BEST4: variants seen among roughly 807,000 people sequenced by gnomAD.
BEST4 encodes bestrophin 4.
In BEST4, 36 loss-of-function variants were observed where a neutral mutation model predicts 47.1. The ratio of observed to expected loss-of-function variants is 0.76; its 90% CI spans 0.59 to 1.01. The LOEUF (loss-of-function observed/expected upper bound fraction) is 1.01, where lower values mean the gene tolerates loss of function less well. BEST4 is among the 50% of genes least tolerant of loss of function. The pLI is 0.00. For synonymous variants in BEST4, 250 were observed against 277.8 expected, an observed-to-expected ratio of 0.90 and a Z score of 1.00; for missense variants, 550 against 648.6, an observed-to-expected ratio of 0.85 and a Z score of 1.65.
upstream of BEST4, among the ~76,000 whole-genome samples, chr1:44,790,381 T>C (rs916407795): frequency 6.6e-6 from 1 of 152,200 alleles, no homozygotes; most frequent in Non-Finnish European, 1.5e-5. Context: ...TTTTTTTTAA[T>C]TTTAATTTTT....
rs2148849152 is a variant in BEST4, at chr1:44,787,707, G to A, written c.-2C>T. The stretch of plus-strand genomic sequence containing the variant: ...TTTGAGAGTGTATGAAACCGTCATG[G>A]TGCTGGGAGCCTGGGGCAGGAGGTC... On this transcript the variant is annotated 5_prime_UTR_variant, in exon 1 of 9. Transcript: ENST00000372207. 1 of 1,613,956 alleles carries A rather than the reference G, an allele frequency of 6.2e-7. No individual in the cohort carries two copies.
chr1:44,783,899 A>C lies in BEST4; in HGVS notation c.*311T>G. 3.5e-6 allele frequency: 1 copy of C among 281,948 alleles called. No individual in the cohort carries two copies. The highest frequency in any genetic ancestry group is 6.6e-6 in the Non-Finnish European group (1 of 152,460). 17.5% of individuals were successfully genotyped at this position (281,948 alleles called of 1,614,324 possible). ...TGCTGATCCTTCCTTAAGTTTGAGA[A>C]CCAATGGCCTAGCTCCCTGTTGCTG... On this transcript the variant is annotated 3_prime_UTR_variant, in exon 9 of 9. Transcript: ENST00000372207.
In BEST4 at chr1:44,783,865, C is replaced by T. The variant is rs1466869215; in HGVS notation, c.*345G>A. The T allele has an allele frequency of 2.8e-5, 6 of 215,290 alleles. No individual in the cohort carries two copies. Among genetic ancestry groups the T allele is most frequent in the Non-Finnish European group, 1.8e-5 (2 of 110,080 alleles). The allele number at this position is 215,290 out of a possible 1,614,324, so 13.3% of individuals were successfully genotyped here. A position where few individuals can be genotyped will look rare whatever the true frequency, so the allele number is the denominator to read the frequency against. ...GTGCCCAGCACTCTTTTGACAAGAC[C>T]TTCCGTGATGCTGATCCTTCCTTAA... is the stretch of plus-strand genomic sequence containing the variant. On this transcript the variant is annotated 3_prime_UTR_variant, in exon 9 of 9. Coordinates refer to ENST00000372207, the MANE Select transcript of BEST4 (RefSeq NM_153274.3).
chr1:44,784,320 G>T lies in BEST4; in HGVS notation c.1312C>A (p.Arg438Ser), dbSNP rs1302652055. Reference protein sequence around the residue: ...RNFGRVRGTPRPPHLLRFRAE... With the variant: ...RNFGRVRGTPSPPHLLRFRAE... ...CGGAAGCGCAGCAGATGCGGGGGGCGGGGGGTGCCTCGCACGCGGCCGAAG... is the reference window on the plus strand; with the variant it reads ...CGGAAGCGCAGCAGATGCGGGGGGCTGGGGGTGCCTCGCACGCGGCCGAAG... The change falls in exon 9 of 9, where the codon CGC (arginine) becomes AGC (serine). Residue 438 changes from arginine to serine, a missense_variant. Arg to Ser is a moderately radical substitution (Grantham distance 110). Around this residue, in one of 3 missense-constraint regions of BEST4, gnomAD observed 255 missense variants for 286.6 expected, o/e 0.89. Transcript: ENST00000372207. The surrounding 1 kb of genome is among the most constrained non-coding windows in gnomAD (Gnocchi z 6.2). 1.4e-6 allele frequency: 2 copies of T among 1,392,640 alleles called. No homozygotes were observed. The highest frequency in any genetic ancestry group is 3.6e-5 in the Admixed American group (1 of 27,876). 86.3% of individuals were successfully genotyped at this position (1,392,640 alleles called of 1,614,324 possible).
At position 44,786,233 on chromosome 1, in the gene BEST4, G is replaced by C. The variant is rs368354581; in HGVS notation, c.482-5C>G. 6 of 1,610,996 alleles carry C rather than the reference G, an allele frequency of 3.7e-6. No homozygotes were observed. Among genetic ancestry groups the C allele is most frequent in the Middle Eastern group, 1.7e-4 (1 of 6,060 alleles). ...TCTCTTCCTGGGACATGAAACCTGA[G>C]GGGGTAAAGCAGGTGGGGTGCAGTT... On this transcript the variant is annotated splice_polypyrimidine_tract_variant and splice_region_variant and intron_variant, in intron 3 of 8. Transcript: ENST00000372207. This position sits in a 1 kb window ranked among gnomAD's most constrained non-coding sequence, Gnocchi z 4.9.
chr1:44,786,344 C>A lies in BEST4; in HGVS notation c.482-116G>T. The A allele has an allele frequency of 2.1e-6, 3 of 1,457,998 alleles. No homozygotes were observed. Among genetic ancestry groups the A allele is most frequent in the Non-Finnish European group, 2.8e-6 (3 of 1,088,472 alleles). 90.3% of individuals were successfully genotyped at this position (1,457,998 alleles called of 1,614,324 possible). ...ACCGGCTGTCCCAGGACTCGCGGTT[C>A]CGCGTTCCTGTCGCAGTCCAGACCC... is the stretch of plus-strand genomic sequence containing the variant. On this transcript the variant is annotated intron_variant, in intron 3 of 8. Transcript: ENST00000372207. The surrounding 1 kb of genome is among the most constrained non-coding windows in gnomAD (Gnocchi z 4.9).
At position 44,784,843 on chromosome 1, in the gene BEST4, G is replaced by A; in HGVS notation, c.994-60C>T. On this transcript the variant is annotated intron_variant, in intron 7 of 8. Transcript: ENST00000372207. The surrounding 1 kb of genome is among the most constrained non-coding windows in gnomAD (Gnocchi z 6.2). ...CCTCTCCTTCCCACGGCCGGGCTGA[G>A]AGCTGACCGGGAGAGGGGGCCCAGG... 1 of 1,610,036 alleles carries A rather than the reference G, an allele frequency of 6.2e-7. No individual in the cohort carries two copies. Among genetic ancestry groups the A allele is most frequent in the South Asian group, 1.1e-5 (1 of 90,618 alleles).
chr1:44,782,608 T>C (rs1651072875), downstream of BEST4, among the ~76,000 whole-genome samples: 1 of 151,542 alleles, frequency 6.6e-6, no homozygotes, highest in Non-Finnish European at 1.5e-5. Flanking sequence ...CCAGCCTGGG[T>C]GACAGTGCAA....
Position 44,784,533 on chromosome 1 carries a change from C to T in BEST4, c.1149-50G>A, listed in dbSNP as rs1427983792. 1 of 1,502,712 alleles carries T rather than the reference C, an allele frequency of 6.7e-7. No homozygotes were observed. Among genetic ancestry groups the T allele is most frequent in the African/African-American group, 1.4e-5 (1 of 71,888 alleles). The allele number at this position is 1,502,712 out of a possible 1,614,324, so 93.1% of individuals were successfully genotyped here. On this transcript the variant is annotated intron_variant, in intron 8 of 8. Transcript: ENST00000372207. The surrounding 1 kb of genome is among the most constrained non-coding windows in gnomAD (Gnocchi z 6.2). ...CCGGGGCACAGGGCGGGAGCGGGGA[C>T]GCGGGATCGGCTCTCGGGGAAGGAC...
upstream of BEST4, among the ~76,000 whole-genome samples, chr1:44,790,409 G>A (rs879290610): frequency 3.3e-5 from 5 of 152,216 alleles, no homozygotes; most frequent in Admixed American, 6.5e-5. Flanking sequence ...CATAGTAGGT[G>A]TATATGCCTA....
Position 44,785,164 on chromosome 1 carries a change from T to A in BEST4, c.856A>T (p.Met286Leu). The part of the protein sequence containing the change: ...EPAPALGDPD[M>L]YVPLTTLLQF... ...AGCAGAGTGGTGAGAGGCACGTACA[T>A]GTCCGGGTCTCCCAGGGCTGGGGCT... The change falls in exon 6 of 9, where the codon ATG (methionine) becomes TTG (leucine). Residue 286 changes from methionine (M) to leucine (L), a missense_variant. Physicochemically the swap from Met to Leu is conservative, Grantham distance 15 (BLOSUM62 2). Coordinates refer to ENST00000372207, the MANE Select transcript of BEST4 (RefSeq NM_153274.3). 1.2e-6 allele frequency: 2 copies of A among 1,614,066 alleles called. No individual in the cohort carries two copies. Among genetic ancestry groups the A allele is most frequent in the Non-Finnish European group, 1.7e-6 (2 of 1,180,016 alleles).
chr1:44,790,068 G>A (rs1254924989), upstream of BEST4, among the ~76,000 whole-genome samples: 1 of 152,208 alleles, frequency 6.6e-6, no homozygotes, highest in Non-Finnish European at 1.5e-5. Context: ...GCAATTTTGA[G>A]TATTCACAGA....
rs1387412383 is a variant in BEST4 at position 44,784,372 on chromosome 1, C to T, written c.1260G>A (p.Ala420=). The change falls in exon 9 of 9, where the codon GCG becomes GCA. Residue 420 remains alanine, a synonymous_variant. Coordinates refer to ENST00000372207, the MANE Select transcript of BEST4 (RefSeq NM_153274.3). This position sits in a 1 kb window ranked among gnomAD's most constrained non-coding sequence, Gnocchi z 6.2. ...TCCGGAGGCTGATGGCCGGGGAGGG[C>T]GCCCCTACGCCCAGGAAGCGGCCGA... ...PLLGRFLGVG[A]PSPAISLRNF... The T allele has an allele frequency of 1.8e-5, 25 of 1,391,466 alleles. No individual in the cohort carries two copies. In the South Asian group the frequency reaches 3.9e-4, roughly 21 times the overall value. 86.2% of individuals were successfully genotyped at this position (1,391,466 alleles called of 1,614,324 possible).
chr1:44,791,234 G>GAGAA, upstream of BEST4, among the ~76,000 whole-genome samples: 1 of 85,970 alleles, frequency 1.2e-5, no homozygotes, highest in African/African-American at 7.7e-5. Flanking sequence ...GAGAGAGTAT[G>GAGAA]TGTGTGTGTG....
chr1:44,786,043 G>A lies in BEST4; in HGVS notation c.636+31C>T, dbSNP rs368026331. On this transcript the variant is annotated intron_variant, in intron 4 of 8. Transcript: ENST00000372207. The surrounding 1 kb of genome is among the most constrained non-coding windows in gnomAD (Gnocchi z 4.9). Reference sequence around the variant, plus strand: ...TCATCTTTAAAATTAGAGGGAGGAGGGCAGATGGGTCTGGTCCTGAGCCCA... The same window carrying A: ...TCATCTTTAAAATTAGAGGGAGGAGAGCAGATGGGTCTGGTCCTGAGCCCA... 22 of 1,559,750 alleles carry A rather than the reference G, an allele frequency of 1.4e-5. No individual in the cohort carries two copies. The highest frequency in any genetic ancestry group is 2.1e-5 in the Admixed American group (1 of 48,148).
At chr1:44,785,337 A>C (rs1651179832) in intron 5 of BEST4, 32 bp from the exon 6 acceptor site, 1 of 1,541,320 alleles carries the variant, frequency 6.5e-7, no homozygotes, top group Admixed American at 2.0e-5. Flanking sequence ...TCAGTGCAGG[A>C]TGCAGCGGGC....
chr1:44,790,486 C>T (rs569744630), upstream of BEST4, among the ~76,000 whole-genome samples: 4 of 152,250 alleles, frequency 2.6e-5, no homozygotes, highest in East Asian at 7.7e-4. Context: ...CCATGATCTT[C>T]CCCAGGTTAC....
downstream of BEST4, among the ~76,000 whole-genome samples, chr1:44,782,399 G>A (rs1357852533): frequency 2.0e-5 from 3 of 151,912 alleles, no homozygotes; most frequent in Non-Finnish European, 4.4e-5. Context: ...AGGCTGAGGC[G>A]GGTGGATCAC....
upstream of BEST4, among the ~76,000 whole-genome samples, chr1:44,791,631 C>A (rs1323899862): frequency 6.6e-6 from 1 of 151,990 alleles, no homozygotes; most frequent in Non-Finnish European, 1.5e-5. Flanking sequence ...CCAGGCCCAC[C>A]CAGTCCCTAC....
Sources: allele counts gnomAD v4.1 joint callset (sites outside exome capture counted in the v4.1 genomes callset), GRCh38; gene constraint gnomAD v4.1.1; regional missense constraint gnomAD v4.1.1; non-coding constraint Gnocchi (gnomAD v3.1); transcripts MANE v1.5; gene names NCBI Gene and HGNC (gene_info 2026-07-23, HGNC 2026-07-21).